The following SNX31 variants were observed in gnomAD, a reference collection of about 807,000 sequenced individuals.
SNX31 encodes sorting nexin-31.
In SNX31, 58 loss-of-function variants were observed where a neutral mutation model predicts 65.4. The observed-to-expected ratio is 0.89, with a 90% CI of 0.72 to 1.10. The LOEUF (loss-of-function observed/expected upper bound fraction) is 1.10, where lower values mean the gene tolerates loss of function less well. Among genes scored for constraint, SNX31 ranks in the 50% least tolerant of loss-of-function variants. The probability of loss-of-function intolerance (pLI) is 0.00; values close to 1 mark genes in which losing one functional copy is unlikely to be tolerated. For synonymous variants in SNX31, 181 were observed against 190.1 expected (o/e 0.95, Z 0.39); for missense variants, 523 against 529.7 (o/e 0.99, Z 0.12).
At chr8:100,591,658 C>A (rs988386905) in intron 10 of SNX31, among the ~76,000 whole-genome samples, 2 of 151,946 alleles carry the variant, frequency 1.3e-5, no homozygotes, top group Non-Finnish European at 2.9e-5. Context: ...CATAGCAAGA[C>A]CCTGTTTCTA....
In SNX31 at chr8:100,584,147, T is replaced by C. The variant is rs569201203; in HGVS notation, c.1134A>G (p.Glu378=). 4 of 1,602,632 alleles carry C rather than the reference T, an allele frequency of 2.5e-6. No homozygotes were observed. The South Asian group carries it at 4.5e-5, about 18-fold the overall frequency. The stretch of plus-strand genomic sequence containing the variant: ...TCTCAGCAGCTAGCTTTACCATCTT[T>C]TCTGAGATCATCTTTTTCAAGCAGC... ...LSSCLKKMIS[E]KMVKLAAENT... is the part of the protein sequence containing the mutation. The change falls in exon 12 of 14, where the codon GAA becomes GAG. Residue 378 remains glutamate (E), a synonymous_variant. Coordinates refer to ENST00000311812, the MANE Select transcript of SNX31 (RefSeq NM_152628.4).
chr8:100,582,395 G>T (rs1424657925), intron 12 of SNX31: 1 of 152,086 alleles, frequency 6.6e-6, no homozygotes, highest in East Asian at 1.9e-4. Context: ...GCCTAAGAGG[G>T]TCCATCCTGC....
At chr8:100,628,813 G>T (rs999846405) in intron 4 of SNX31, among the ~76,000 whole-genome samples, 2 of 144,088 alleles carry the variant, frequency 1.4e-5, no homozygotes, top group Admixed American at 1.4e-4. Flanking sequence ...AAATAAAATG[G>T]GTGTGTGTGT....
chr8:100,612,186 T>C lies in SNX31; in HGVS notation c.524-99A>G. The C allele has an allele frequency of 1.4e-6, 1 of 727,506 alleles. No individual in the cohort carries two copies. Among genetic ancestry groups the C allele is most frequent in the Non-Finnish European group, 2.3e-6 (1 of 427,654 alleles). 45.1% of individuals were successfully genotyped at this position (727,506 alleles called of 1,614,324 possible). On this transcript the variant is annotated intron_variant, in intron 6 of 13. Coordinates refer to ENST00000311812, the MANE Select transcript of SNX31 (RefSeq NM_152628.4). The surrounding 1 kb of genome is among the most constrained non-coding windows in gnomAD (Gnocchi z 4.3). Reference sequence around the variant, plus strand: ...GAAAATAAAACCTTATTATTGGAAATAATAAAATCACAGTAAGAATATCCT... The same window carrying C: ...GAAAATAAAACCTTATTATTGGAAACAATAAAATCACAGTAAGAATATCCT...
rs547208118 is a variant in SNX31, at chr8:100,610,800, A to G, written c.611+1200T>C. On this transcript the variant is annotated intron_variant, in intron 7 of 13. Coordinates refer to ENST00000311812, the MANE Select transcript of SNX31 (RefSeq NM_152628.4). The surrounding 1 kb of genome is among the most constrained non-coding windows in gnomAD (Gnocchi z 4.0). Reference sequence around the variant, plus strand: ...TGCCTTGCTGGGAATATCCTTCCACAATTCAAAGCCACAAACTGGAGCTCT... The same window carrying G: ...TGCCTTGCTGGGAATATCCTTCCACGATTCAAAGCCACAAACTGGAGCTCT... Among the ~76,000 whole-genome samples the G allele has an allele frequency of 1.3e-5, 2 of 152,240 alleles. No individual in the cohort carries two copies. The highest frequency in any genetic ancestry group is 2.9e-5 in the Non-Finnish European group (2 of 68,040).
rs1167394500 is a variant in SNX31, at chr8:100,583,630, T to C, written c.1170+481A>G. Among the ~76,000 whole-genome samples the C allele has an allele frequency of 5.3e-5, 8 of 152,264 alleles. No individual in the cohort carries two copies. In the East Asian group the frequency reaches 1.5e-3, roughly 29 times the overall value. ...TTTATATTGAGGAAAAAAAATAGCC[T>C]TGAGAGTTTATTTTACTACCTCCCC... On this transcript the variant is annotated intron_variant, in intron 12 of 13. Coordinates refer to ENST00000311812, the MANE Select transcript of SNX31 (RefSeq NM_152628.4).
Position 100,578,019 on chromosome 8 carries a change from A to G in SNX31, c.1171-944T>C, listed in dbSNP as rs1813189757. 6.6e-6 allele frequency among the ~76,000 whole-genome samples: 1 copy of G among 152,208 alleles called. No homozygotes were observed. On this transcript the variant is annotated intron_variant, in intron 12 of 13. Coordinates refer to ENST00000311812, the MANE Select transcript of SNX31 (RefSeq NM_152628.4). This position sits in a 1 kb window ranked among gnomAD's most constrained non-coding sequence, Gnocchi z 4.7. ...ATGAGCTTTTTAAAAATCACAAAAA[A>G]ACACTCAGTGTTTTAAGAAAGTTTA... is the stretch of plus-strand genomic sequence containing the variant.
At chr8:100,638,959 T>C (rs912125019) in intron 2 of SNX31, among the ~76,000 whole-genome samples, 2 of 152,226 alleles carry the variant, frequency 1.3e-5, no homozygotes, top group Non-Finnish European at 2.9e-5. Flanking sequence ...GGAAAAGCTA[T>C]ATACTATATG....
At chr8:100,632,605 A>G (rs890892895) in intron 3 of SNX31, among the ~76,000 whole-genome samples, 1 of 152,132 alleles carries the variant, frequency 6.6e-6, no homozygotes, top group Non-Finnish European at 1.5e-5. Context: ...GGACATTAGT[A>G]TAATAGTTGG....
chr8:100,647,395 T>C (rs1819711123), intron 2 of SNX31, among the ~76,000 whole-genome samples: 2 of 152,200 alleles, frequency 1.3e-5, no homozygotes, highest in South Asian at 2.1e-4. Context: ...TCTTACCAAA[T>C]AGAAGATCAA....
At chr8:100,628,638 C>T (rs1818210908) in intron 4 of SNX31, among the ~76,000 whole-genome samples, 1 of 151,828 alleles carries the variant, frequency 6.6e-6, no homozygotes, top group Admixed American at 6.6e-5. Context: ...ATACCTAATG[C>T]TAAATGACGA....
rs1814227089 is a variant in SNX31, at chr8:100,588,189, C to T, written c.1092+677G>A. ...ATGGGACCACTGCCATATATACAGA[C>T]TGTCATTGACCAAAATGTTATGTAC... On this transcript the variant is annotated intron_variant, in intron 11 of 13. Transcript: ENST00000311812. This position sits in a 1 kb window ranked among gnomAD's most constrained non-coding sequence, Gnocchi z 4.8. 6.6e-6 allele frequency among the ~76,000 whole-genome samples: 1 copy of T among 151,950 alleles called. No individual in the cohort carries two copies. Among genetic ancestry groups the T allele is most frequent in the Non-Finnish European group, 1.5e-5 (1 of 68,002 alleles).
At chr8:100,616,069 T>C (rs918940560) in intron 5 of SNX31, among the ~76,000 whole-genome samples, 8 of 152,164 alleles carry the variant, frequency 5.3e-5, no homozygotes, top group Admixed American at 3.3e-4. Context: ...CCACAGTGCC[T>C]GGCCAAAACA....
chr8:100,597,065 G>C (rs1413971889), intron 9 of SNX31, among the ~76,000 whole-genome samples: 1 of 152,164 alleles, frequency 6.6e-6, no homozygotes. Context: ...CCAGGGAAGG[G>C]ACCATTCCTG....
intron 11 of SNX31, among the ~76,000 whole-genome samples, chr8:100,585,045 T>A (rs1356433435): frequency 6.6e-6 from 1 of 152,114 alleles, no homozygotes; most frequent in Non-Finnish European, 1.5e-5. Context: ...TTTTCTAGTA[T>A]CTTTAATCAC....
chr8:100,596,691 T>C lies in SNX31; in HGVS notation c.926A>G (p.Gln309Arg), dbSNP rs2248609. The change falls in exon 10 of 14, where the codon CAG (glutamine) becomes CGG (arginine). Residue 309 changes from glutamine (Q) to arginine (R), a missense_variant. By Grantham distance (43) the Gln-to-Arg change is conservative (BLOSUM62 1). Transcript: ENST00000311812. ...CCITLPDSQT[Q>R]DIVFQMSRVK... is the part of the protein sequence containing the mutation. ...CCTGCTCATCTGGAAAACGATGTCC[T>C]GGGTCTGGCTGTCAGGCAGGGTGAT... 564,773 of 1,613,754 alleles carry C rather than the reference T, an allele frequency of 0.35. 102,127 individuals carry two copies. Among genetic ancestry groups the C allele is most frequent in the African/African-American group, 0.54 (40,414 of 74,934 alleles).
rs1813000267 is a variant in SNX31 at position 100,575,779 on chromosome 8, A to G, written c.1227+1240T>C. 6.6e-6 allele frequency among the ~76,000 whole-genome samples: 1 copy of G among 152,184 alleles called. No homozygotes were observed. Among genetic ancestry groups the G allele is most frequent in the South Asian group, 2.1e-4 (1 of 4,826 alleles). ...GGATAATGGTTCCAATTCTGGTTGT[A>G]TAATAGGACCACTTGGGGAGCTTTT... On this transcript the variant is annotated intron_variant, in intron 13 of 13. Coordinates refer to ENST00000311812, the MANE Select transcript of SNX31 (RefSeq NM_152628.4). This position sits in a 1 kb window ranked among gnomAD's most constrained non-coding sequence, Gnocchi z 5.1.
chr8:100,604,150 G>T lies in SNX31; in HGVS notation c.682-3709C>A, dbSNP rs776425573. Among the ~76,000 whole-genome samples the T allele has an allele frequency of 1.3e-5, 2 of 152,126 alleles. No individual in the cohort carries two copies. The highest frequency in any genetic ancestry group is 4.8e-5 in the African/African-American group (2 of 41,416). On this transcript the variant is annotated intron_variant, in intron 8 of 13. Coordinates refer to ENST00000311812, the MANE Select transcript of SNX31 (RefSeq NM_152628.4). The surrounding 1 kb of genome is among the most constrained non-coding windows in gnomAD (Gnocchi z 4.3). Reference sequence around the variant, plus strand: ...TGAGTAGGTCCAGACAATGAGAGTCGAGTCTAGACAAGTCTACTCAGTTAC... The same window carrying T: ...TGAGTAGGTCCAGACAATGAGAGTCTAGTCTAGACAAGTCTACTCAGTTAC...
chr8:100,596,589 G>C (rs750416573), intron 10 of SNX31, 50 bp downstream of exon 10: 25 of 1,489,404 alleles, frequency 1.7e-5, no homozygotes, highest in Non-Finnish European at 2.1e-5. Context: ...GTCATCCAAG[G>C]GTACTAGGAT....
Sources: gnomAD v4.1 joint callset for allele counts (sites outside exome capture counted in the v4.1 genomes callset) on GRCh38, gnomAD v4.1.1 for gene constraint, Gnocchi (gnomAD v3.1) non-coding constraint, MANE v1.5 for transcripts, NCBI Gene and HGNC (gene_info 2026-07-23, HGNC 2026-07-21) for gene names.